The following ABCA2 variants were observed in gnomAD, a reference collection of about 807,000 sequenced individuals.
ABCA2 encodes the protein ATP-binding cassette sub-family A member 2.
In ABCA2, 84 loss-of-function variants were observed where a neutral mutation model predicts 262.8. The ratio of observed to expected loss-of-function variants is 0.32; its 90% CI spans 0.27 to 0.38. The LOEUF is 0.38. Among genes scored for constraint, ABCA2 ranks in the 10% least tolerant of loss-of-function variants. The probability of loss-of-function intolerance (pLI) is 1.00; values close to 1 mark genes in which losing one functional copy is unlikely to be tolerated. For synonymous variants in ABCA2, 1,696 were observed against 1,502.9 expected, an observed-to-expected ratio of 1.13 and a Z score of -2.97; for missense variants, 2,662 against 3,405.9, an observed-to-expected ratio of 0.78 and a Z score of 5.44.
chr9:137,028,267 C>T, upstream of ABCA2: 2 of 978,196 alleles, frequency 2.0e-6, no homozygotes, highest in South Asian at 9.3e-5. The surrounding 1 kb of genome is among the most constrained non-coding windows in gnomAD (Gnocchi z 6.9). Flanking sequence ...GTCCGGGACC[C>T]GATCCGCGCT....
Position 137,021,207 on chromosome 9 carries a change from AG to A in ABCA2, c.898-147del. ...TCTGCAGCCTGGGTAACGGGAGCCC[AG>A]GACAGGAGCTGGGATGGTGAGCAGG... is the stretch of plus-strand genomic sequence containing the variant. On this transcript the variant is annotated intron_variant, in intron 8 of 48. Coordinates refer to ENST00000341511, the MANE Select transcript of ABCA2 (RefSeq NM_001606.5). This position sits in a 1 kb window ranked among gnomAD's most constrained non-coding sequence, Gnocchi z 6.0. The A allele has an allele frequency of 7.4e-7, 1 of 1,345,466 alleles. No individual in the cohort carries two copies. Among genetic ancestry groups the A allele is most frequent in the Non-Finnish European group, 9.8e-7 (1 of 1,015,666 alleles). The allele number at this position is 1,345,466 out of a possible 1,614,324, so 83.3% of individuals were successfully genotyped here.
Position 137,022,456 on chromosome 9 carries a change from C to CA in ABCA2, c.461_462insT (p.Val155GlyfsTer21). The CA allele has an allele frequency of 6.2e-7, 1 of 1,611,824 alleles. No individual in the cohort carries two copies. The highest frequency in any genetic ancestry group is 1.1e-5 in the South Asian group (1 of 90,734). On this transcript the variant is annotated frameshift_variant, in exon 6 of 49. Transcript: ENST00000341511. LOFTEE classifies it high-confidence loss of function. ...AGAGCTCCTGCGGGTTTCTGGCCACCGAGTCCAGAGAGAAGGAAGACACTG... is the reference window on the plus strand; with the variant it reads ...AGAGCTCCTGCGGGTTTCTGGCCACCAGAGTCCAGAGAGAAGGAAGACACTG...
At chr9:137,022,904 G>A (rs894159296) in intron 4 of ABCA2, 37 bp downstream of exon 4, 2 of 1,560,860 alleles carry the variant, frequency 1.3e-6, no homozygotes, top group Non-Finnish European at 8.7e-7. Flanking sequence ...ATGGGCTGGG[G>A]AGGGGTGGGT....
chr9:137,019,358 T>G lies in ABCA2; in HGVS notation c.1426-52A>C, dbSNP rs573474907. On this transcript the variant is annotated intron_variant, in intron 10 of 48. Transcript: ENST00000341511. This position sits in a 1 kb window ranked among gnomAD's most constrained non-coding sequence, Gnocchi z 4.4. ...AGTTTCTGGACGGACCCCCACCGAC[T>G]TGGGGGCTCTCACCCCACTCACCTC... The G allele has an allele frequency of 6.3e-7, 1 of 1,594,046 alleles. No homozygotes were observed. Among genetic ancestry groups the G allele is most frequent in the Non-Finnish European group, 8.6e-7 (1 of 1,167,748 alleles).
Position 137,009,909 on chromosome 9 carries a change from C to G in ABCA2, c.6496-6G>C, listed in dbSNP as rs758203638. ...TCCAGAGCCCACTTCACCACCTGGC[C>G]AGGGAACGCAGGTGTCAGTGGAGGC... On this transcript the variant is annotated splice_region_variant and splice_polypyrimidine_tract_variant and intron_variant, in intron 42 of 48. Transcript: ENST00000341511. The G allele has an allele frequency of 3.7e-6, 6 of 1,603,424 alleles. No homozygotes were observed. The Admixed American group carries it at 8.4e-5, about 22-fold the overall frequency.
Position 137,022,337 on chromosome 9 carries a change from T to G in ABCA2, c.567+14A>C. 6.3e-7 allele frequency: 1 copy of G among 1,588,984 alleles called. No homozygotes were observed. The highest frequency in any genetic ancestry group is 8.6e-7 in the Non-Finnish European group (1 of 1,168,278). On this transcript the variant is annotated intron_variant, in intron 6 of 48. Coordinates refer to ENST00000341511, the MANE Select transcript of ABCA2 (RefSeq NM_001606.5). Reference sequence around the variant, plus strand: ...GAAGGGAGTGGCCAGGGCTGGGAGCTGTCCCTGCCTTACCTCGGGCGGGTC... The same window carrying G: ...GAAGGGAGTGGCCAGGGCTGGGAGCGGTCCCTGCCTTACCTCGGGCGGGTC...
In ABCA2 at chr9:137,014,317, G is replaced by A. The variant is rs771596724; in HGVS notation, c.4091C>T (p.Ser1364Leu). The A allele has an allele frequency of 9.3e-6, 15 of 1,609,762 alleles. No individual in the cohort carries two copies. Among genetic ancestry groups the A allele is most frequent in the Admixed American group, 5.0e-5 (3 of 59,746 alleles). Residue 1364 changes from serine (S) to leucine (L), a missense_variant, in exon 27 of 49, where the codon TCG (serine) becomes TTG (leucine). By Grantham distance (145) the Ser-to-Leu change is moderately radical. Transcript: ENST00000341511. ...EGHAGNLARC[S>L]ELTQSQASLQ... ...CGATGCCTGCGACTGGGTCAGCTCC[G>A]AGCACCGGGCCAGATTGCCAGCGTG...
rs575121786 is a variant in ABCA2, at chr9:137,014,253, G to A, written c.4155C>T (p.Asp1385=). 2.5e-5 allele frequency: 40 copies of A among 1,610,566 alleles called. No individual in the cohort carries two copies. In the East Asian group the frequency reaches 3.8e-4, roughly 15 times the overall value. Residue 1385 remains aspartate, a synonymous_variant, in exon 27 of 49, where the codon GAC becomes GAT. Coordinates refer to ENST00000341511, the MANE Select transcript of ABCA2 (RefSeq NM_001606.5). ...AGACGTCGGTGTAGCCAGCTCCCTC[G>A]TCGCCACGGGCAGAGCCCACAGATG... ...SASSVGSARG[D]EGAGYTDVYG... is the part of the protein sequence containing the mutation.
Position 137,008,808 on chromosome 9 carries a change from C to T in ABCA2, c.6991G>A (p.Val2331Met), listed in dbSNP as rs762034018. 6.9e-6 allele frequency: 11 copies of T among 1,604,900 alleles called. No individual in the cohort carries two copies. The South Asian group carries it at 1.1e-4, about 16-fold the overall frequency. ...LKSEHISLAQVFSKMEQVSGV... is the reference protein window; with the variant it reads ...LKSEHISLAQMFSKMEQVSGV... ...GACACCTGCTCCATCTTGCTGAACA[C>T]CTGGGCCAGCGAGATGTGCTCCGAC... Residue 2331 changes from valine (V) to methionine (M), a missense_variant, in exon 47 of 49, where the codon GTG becomes ATG. Transcript: ENST00000341511.
At position 137,022,796 on chromosome 9, in the gene ABCA2, G is replaced by A. The variant is rs1288825217; in HGVS notation, c.345C>T (p.Pro115=). ...GGGCCTCGAGCTCTGAGCCCAGGCTGGGCCGCGCTGGGTCAAACAGGTTGC... is the reference window on the plus strand; with the variant it reads ...GGGCCTCGAGCTCTGAGCCCAGGCTAGGCCGCGCTGGGTCAAACAGGTTGC... ...EEGNLFDPAR[P]SLGSELEALR... Residue 115 remains proline (P), a synonymous_variant, in exon 5 of 49, where the codon CCC becomes CCT. Transcript: ENST00000341511. 4 of 1,594,016 alleles carry A rather than the reference G, an allele frequency of 2.5e-6. No homozygotes were observed. The highest frequency in any genetic ancestry group is 3.4e-6 in the Non-Finnish European group (4 of 1,171,808).
rs752780051 is a variant in ABCA2 at position 137,022,998 on chromosome 9, G to A, written c.218C>T (p.Ser73Leu). The change falls in exon 4 of 49, where the codon TCG becomes TTG. Residue 73 changes from serine to leucine, a missense_variant. This residue lies in a region of ABCA2 where 101 missense variants were observed against 152.3 expected (regional missense o/e 0.66). Coordinates refer to ENST00000341511, the MANE Select transcript of ABCA2 (RefSeq NM_001606.5). ...GTCTCGCTGGCCGTCCGGGCACAGC[G>A]ATTGCATGACAGGCAGGATGCCGGC... ...TSAGILPVMQ[S>L]LCPDGQRDEF... The A allele has an allele frequency of 4.4e-6, 7 of 1,596,482 alleles. No individual in the cohort carries two copies. Among genetic ancestry groups the A allele is most frequent in the South Asian group, 2.3e-5 (2 of 88,252 alleles).
intron 10 of ABCA2, 101 bp downstream of exon 10, chr9:137,020,235 C>A: frequency 6.6e-7 from 1 of 1,516,572 alleles, no homozygotes; most frequent in South Asian, 1.1e-5. Flanking sequence ...CGTACCCCTC[C>A]CGTGTCAATT....
chr9:137,023,206 G>C, intron 3 of ABCA2, 154 bp from the exon 4 acceptor site: 1 of 675,258 alleles, frequency 1.5e-6, no homozygotes, highest in East Asian at 2.7e-5. Flanking sequence ...ACAGAGCCCT[G>C]GCCCCAGCTG....
In ABCA2 at chr9:137,021,049, C is replaced by T. The variant is rs1309874843; in HGVS notation, c.910G>A (p.Ala304Thr). ...GGCGAGGAGTCCGAGCCGTTGGGGG[C>T]ATCCAGGCCCAGCTGAGGGGAAACA... The part of the protein sequence containing the change: ...AKVSQQLGLD[A>T]PNGSDSSPQA... The change falls in exon 9 of 49, where the codon GCC becomes ACC. Residue 304 changes from alanine to threonine, a missense_variant. Around this residue, in one of 12 missense-constraint regions of ABCA2, gnomAD observed 403 missense variants for 375.9 expected, o/e 1.07. Coordinates refer to ENST00000341511, the MANE Select transcript of ABCA2 (RefSeq NM_001606.5). The surrounding 1 kb of genome is among the most constrained non-coding windows in gnomAD (Gnocchi z 6.0). 11 of 1,477,004 alleles carry T rather than the reference C, an allele frequency of 7.4e-6. No individual in the cohort carries two copies. Among genetic ancestry groups the T allele is most frequent in the Non-Finnish European group, 9.0e-6 (10 of 1,112,012 alleles). The allele number at this position is 1,477,004 out of a possible 1,614,324, so 91.5% of individuals were successfully genotyped here.
Position 137,007,861 on chromosome 9 carries a change from T to G in ABCA2, c.*68A>C. 1.9e-6 allele frequency: 3 copies of G among 1,588,066 alleles called. No homozygotes were observed. Among genetic ancestry groups the G allele is most frequent in the Non-Finnish European group, 2.6e-6 (3 of 1,171,200 alleles). On this transcript the variant is annotated 3_prime_UTR_variant, in exon 49 of 49. Transcript: ENST00000341511. ...AGGCACTGGGGGACTTCTGTCCCCA[T>G]TGTTGAGTCCCTGGCCCAGCTCTGG...
chr9:137,021,545 G>A lies in ABCA2; in HGVS notation c.744C>T (p.Gly248=), dbSNP rs777910472. 12 of 1,592,362 alleles carry A rather than the reference G, an allele frequency of 7.5e-6. No individual in the cohort carries two copies. Among genetic ancestry groups the A allele is most frequent in the Non-Finnish European group, 1.0e-5 (12 of 1,170,478 alleles). The change falls in exon 8 of 49, where the codon GGC becomes GGT. Residue 248 remains glycine (G), a synonymous_variant. Coordinates refer to ENST00000341511, the MANE Select transcript of ABCA2 (RefSeq NM_001606.5). This position sits in a 1 kb window ranked among gnomAD's most constrained non-coding sequence, Gnocchi z 6.0. ...GACTCTCAGGCACAGTGAGGATCCG[G>A]CCCAGCTCCCCCGAGCCCGGCGTGC... The part of the protein sequence containing the change: ...LTCTPGSGEL[G]RILTVPESQK...
At chr9:137,015,636 G>A in intron 23 of ABCA2, 39 bp downstream of exon 23, 2 of 1,610,864 alleles carry the variant, frequency 1.2e-6, no homozygotes, top group Non-Finnish European at 1.7e-6. Context: ...GGCAGGGGAG[G>A]CGCCGCCCGC....
chr9:137,009,140 G>A, intron 45 of ABCA2, 87 bp from the exon 46 acceptor site: 1 of 1,285,712 alleles, frequency 7.8e-7, no homozygotes, highest in South Asian at 1.3e-5. Context: ...AGCCCCCACA[G>A]GCACCCCAGG....
chr9:137,013,808 A>G (rs759791307), intron 28 of ABCA2, 24 bp downstream of exon 28: 2 of 1,579,524 alleles, frequency 1.3e-6, no homozygotes, highest in South Asian at 2.3e-5. Context: ...CAAGCCCAGC[A>G]CCCCTGTCCA....
Sources: gnomAD v4.1 joint callset for allele counts on GRCh38, gnomAD v4.1.1 for gene constraint, gnomAD v4.1.1 regional missense constraint, Gnocchi (gnomAD v3.1) non-coding constraint, MANE v1.5 for transcripts, NCBI Gene and HGNC (gene_info 2026-07-23, HGNC 2026-07-21) for gene names.